TRPM6: variants seen among roughly 807,000 people sequenced by gnomAD.
TRPM6 encodes channel kinase 2.
TRPM6 carries 111 observed loss-of-function variants against 247.6 expected under a neutral mutation model. The ratio of observed to expected loss-of-function variants is 0.45; its 90% CI spans 0.38 to 0.52. The LOEUF (loss-of-function observed/expected upper bound fraction) is 0.52, where lower values mean the gene tolerates loss of function less well. Ranked by LOEUF, TRPM6 falls within the 20% of genes least tolerant of loss-of-function variation. The pLI is 0.00. For missense variants in TRPM6, 2,126 were observed against 2,421.5 expected (o/e 0.88, Z 2.56); for synonymous variants, 892 against 853.8 (o/e 1.04, Z -0.78).
At position 74,771,828 on chromosome 9, in the gene TRPM6, G is replaced by A. The variant is rs1827054513; in HGVS notation, c.3411C>T (p.Tyr1137=). ...QEEGDVGLKL[Y]LSKEDLKKLH... Reference sequence around the variant, plus strand: ...GTTTTTTCAGATCCTCCTTACTGAGGTAGAGTTCTATAGAAATAAGTATGA... The same window carrying A: ...GTTTTTTCAGATCCTCCTTACTGAGATAGAGTTCTATAGAAATAAGTATGA... The change falls in exon 25 of 39, where the codon TAC becomes TAT. Residue 1137 remains tyrosine (Y), a synonymous_variant. Coordinates refer to ENST00000360774, the MANE Select transcript of TRPM6 (RefSeq NM_017662.5). The A allele has an allele frequency of 1.2e-6, 2 of 1,613,510 alleles. No individual in the cohort carries two copies.
At chr9:74,752,172 TA>T (rs1203728652) in intron 29 of TRPM6, 104 bp downstream of exon 29, 12 of 690,682 alleles carry the variant, frequency 1.7e-5, no homozygotes, top group Non-Finnish European at 2.8e-5. Context: ...AGACTGTCAA[TA>T]AAAAGTAGAA....
intron 37 of TRPM6, among the ~76,000 whole-genome samples, chr9:74,731,509 T>C (rs1270279516): frequency 6.6e-6 from 1 of 151,842 alleles, no homozygotes; most frequent in East Asian, 1.9e-4. Flanking sequence ...TTATTTTCTC[T>C]AGTTCACCTA....
chr9:74,837,832 C>G (rs971011728), intron 5 of TRPM6, among the ~76,000 whole-genome samples: 50 of 150,148 alleles, frequency 3.3e-4, no homozygotes, highest in African/African-American at 1.2e-3. Flanking sequence ...TCACTGCAGC[C>G]TTGACCTCCC....
At chr9:74,735,596 AAATT>A (rs1825671199) in intron 36 of TRPM6, among the ~76,000 whole-genome samples, 1 of 152,186 alleles carries the variant, frequency 6.6e-6, no homozygotes, top group Non-Finnish European at 1.5e-5. Flanking sequence ...TAATATCTCC[AAATT>A]AATGTTGAAA....
chr9:74,879,019 A>T (rs1395484595), intron 1 of TRPM6, among the ~76,000 whole-genome samples: 3 of 152,142 alleles, frequency 2.0e-5, no homozygotes, highest in Non-Finnish European at 4.4e-5. Flanking sequence ...AATTTTAAAA[A>T]AGTTTTATTT....
chr9:74,873,050 A>G (rs1831078754), intron 1 of TRPM6, among the ~76,000 whole-genome samples: 1 of 152,154 alleles, frequency 6.6e-6, no homozygotes, highest in Non-Finnish European at 1.5e-5. Flanking sequence ...TGCCTGCCAC[A>G]TCTTGGGTGC....
intron 3 of TRPM6, among the ~76,000 whole-genome samples, chr9:74,854,006 C>A (rs1473183951): frequency 5.3e-5 from 8 of 152,106 alleles, no homozygotes; most frequent in African/African-American, 1.9e-4. Context: ...AACAGAGTGG[C>A]ATTTGACAAG....
intron 20 of TRPM6, 32 bp downstream of exon 20, chr9:74,788,582 T>C (rs898296697): frequency 1.9e-6 from 3 of 1,612,972 alleles, no homozygotes; most frequent in African/African-American, 2.7e-5. Context: ...TGAGGACATA[T>C]GCAGAAGATA....
chr9:74,769,337 C>T (rs1410726846), intron 25 of TRPM6, among the ~76,000 whole-genome samples: 2 of 152,002 alleles, frequency 1.3e-5, no homozygotes, highest in Non-Finnish European at 2.9e-5. Flanking sequence ...TTAGTAGAGA[C>T]GGGGTTTTGC....
At chr9:74,746,157 T>C (rs1826039157) in intron 31 of TRPM6, among the ~76,000 whole-genome samples, 1 of 151,266 alleles carries the variant, frequency 6.6e-6, no homozygotes, top group Middle Eastern at 3.2e-3. Flanking sequence ...GAGAATGGCA[T>C]GAACCCAGGA....
At chr9:74,857,733 G>A (rs1830570125) in intron 2 of TRPM6, 1 of 152,124 alleles carries the variant, frequency 6.6e-6, no homozygotes, top group Non-Finnish European at 1.5e-5. Flanking sequence ...GATTAGCATG[G>A]CCCCTGCTCA....
intron 11 of TRPM6, among the ~76,000 whole-genome samples, chr9:74,812,822 C>G (rs1290710390): frequency 6.6e-6 from 1 of 151,892 alleles, no homozygotes; most frequent in Non-Finnish European, 1.5e-5. Context: ...CCCAAGGGGT[C>G]AAGGCTGCAG....
rs139824187 is a variant in TRPM6, at chr9:74,807,577, C to T, written c.1638+457G>A. Among the ~76,000 whole-genome samples the T allele has an allele frequency of 1.8e-4, 27 of 152,244 alleles. No homozygotes were observed. The East Asian group carries it at 4.1e-3, about 23-fold the overall frequency. ...CTTATGTTTTTAAGGATATTCTACA[C>T]GCATCTTTCAATATAATCACTACAT... is the stretch of plus-strand genomic sequence containing the variant. On this transcript the variant is annotated intron_variant, in intron 14 of 38. Transcript: ENST00000360774.
At chr9:74,802,291 G>A in intron 15 of TRPM6, 116 bp from the exon 16 acceptor site, 9 of 917,632 alleles carry the variant, frequency 9.8e-6, no homozygotes, top group South Asian at 3.1e-5. Flanking sequence ...AAAAAGAGAT[G>A]GAAATAATAA....
Position 74,724,460 on chromosome 9 carries a change from A to T in TRPM6, c.*153T>A. On this transcript the variant is annotated 3_prime_UTR_variant, in exon 39 of 39. Transcript: ENST00000360774. ...GTCTAGGAGAACCCATTGATCATAT[A>T]CCAATGAGGCCTTTGAACAGAAGGA... 1 of 1,088,386 alleles carries T rather than the reference A, an allele frequency of 9.2e-7. No homozygotes were observed. 67.4% of individuals were successfully genotyped at this position (1,088,386 alleles called of 1,614,324 possible). A position where few individuals can be genotyped will look rare whatever the true frequency, so the allele number is the denominator to read the frequency against.
In TRPM6 at chr9:74,724,656, C is replaced by T; in HGVS notation, c.6026G>A (p.Arg2009Lys). 6.2e-7 allele frequency: 1 copy of T among 1,614,208 alleles called. No homozygotes were observed. The highest frequency in any genetic ancestry group is 8.5e-7 in the Non-Finnish European group (1 of 1,180,024). Residue 2009 changes from arginine (R) to lysine (K), a missense_variant, in exon 39 of 39, where the codon AGG becomes AAG. Around this residue, in one of 3 missense-constraint regions of TRPM6, gnomAD observed 327 missense variants for 397.7 expected, o/e 0.82. Transcript: ENST00000360774. ...KIESAEEPPA[R>K]ETGRNSPEDD... Reference sequence around the variant, plus strand: ...TTCTGGGGAATTTCTACCCGTCTCCCTTGCTGGAGGCTCCTCAGCTGATTC... The same window carrying T: ...TTCTGGGGAATTTCTACCCGTCTCCTTTGCTGGAGGCTCCTCAGCTGATTC...
In TRPM6 at chr9:74,816,651, A is replaced by G; in HGVS notation, c.1308+18T>C. 1 of 1,601,578 alleles carries G rather than the reference A, an allele frequency of 6.2e-7. No homozygotes were observed. Among genetic ancestry groups the G allele is most frequent in the Non-Finnish European group, 8.6e-7 (1 of 1,169,488 alleles). ...TCACACAAAATATTTTTTCCGAATA[A>G]CTTCATTTTCACTATACCTTCCAGT... is the stretch of plus-strand genomic sequence containing the variant. On this transcript the variant is annotated intron_variant, in intron 11 of 38. Transcript: ENST00000360774.
chr9:74,856,541 T>C (rs1414157021), intron 2 of TRPM6, among the ~76,000 whole-genome samples: 2 of 151,948 alleles, frequency 1.3e-5, no homozygotes, highest in Non-Finnish European at 2.9e-5. Flanking sequence ...AAAGGTAATG[T>C]TCCTAAAATA....
Position 74,755,358 on chromosome 9 carries a change from T to C in TRPM6, c.4901A>G (p.His1634Arg). The C allele has an allele frequency of 6.2e-7, 1 of 1,614,110 alleles. No homozygotes were observed. ...AAATTGTAGATGTTACATACCTGTG[T>C]GACTAAATTTGGACACTGTGAACCA... ...KNWFTVSKFS[H>R]TGVEPYIHQK... Residue 1634 changes from histidine (H) to arginine (R), a missense_variant, in exon 28 of 39, where the codon CAC becomes CGC. By Grantham distance (29) the His-to-Arg change is conservative (BLOSUM62 0). Around this residue, in one of 3 missense-constraint regions of TRPM6, gnomAD observed 717 missense variants for 715.9 expected, o/e 1.00. Coordinates refer to ENST00000360774, the MANE Select transcript of TRPM6 (RefSeq NM_017662.5).
Sources: allele counts gnomAD v4.1 joint callset (sites outside exome capture counted in the v4.1 genomes callset), GRCh38; gene constraint gnomAD v4.1.1; regional missense constraint gnomAD v4.1.1; transcripts MANE v1.5; gene names NCBI Gene and HGNC (gene_info 2026-07-23, HGNC 2026-07-21).